PKD2L1: variants seen among roughly 807,000 people sequenced by gnomAD.
PKD2L1 encodes the protein polycystin 2 like 1, transient receptor potential cation channel.
PKD2L1 carries 77 observed loss-of-function variants against 93.0 expected under a neutral mutation model. The ratio of observed to expected loss-of-function variants is 0.83; its 90% CI spans 0.69 to 1.00. The LOEUF (loss-of-function observed/expected upper bound fraction) is 1.00. Among genes scored for constraint, PKD2L1 ranks in the 50% least tolerant of loss-of-function variants. The pLI, the probability that PKD2L1 is intolerant of heterozygous loss-of-function variation, is 0.00. For synonymous variants in PKD2L1, 390 were observed against 388.0 expected, an observed-to-expected ratio of 1.01 and a Z score of -0.06; for missense variants, 977 against 990.9, an observed-to-expected ratio of 0.99 and a Z score of 0.19.
chr10:100,326,584 A>G (rs116175371), intron 2 of PKD2L1, among the ~76,000 whole-genome samples: 1,886 of 152,324 alleles, frequency 0.012, 23 homozygotes, highest in African/African-American at 0.042. Context: ...TGTCCGTGGC[A>G]TATTTTGTCC....
intron 2 of PKD2L1, among the ~76,000 whole-genome samples, chr10:100,303,998 G>T (rs1039504845): frequency 6.6e-6 from 1 of 152,168 alleles, no homozygotes; most frequent in Non-Finnish European, 1.5e-5. Flanking sequence ...ACTATTTATG[G>T]ATGCATAATA....
rs1468140150 is a variant in PKD2L1 at position 100,294,429 on chromosome 10, C to T, written c.1659+106G>A. On this transcript the variant is annotated intron_variant, in intron 9 of 15. Coordinates refer to ENST00000318222, the MANE Select transcript of PKD2L1 (RefSeq NM_016112.3). ...AGACATCGGCCCCCCCACTCACTCT[C>T]CATCCTTGATTTGAGAAACTTATCA... 4 of 1,228,054 alleles carry T rather than the reference C, an allele frequency of 3.3e-6. No individual in the cohort carries two copies. The African/African-American group carries it at 6.0e-5, about 18-fold the overall frequency. 76.1% of individuals were successfully genotyped at this position (1,228,054 alleles called of 1,614,324 possible). A position where few individuals can be genotyped will look rare whatever the true frequency, so the allele number is the denominator to read the frequency against.
intron 2 of PKD2L1, among the ~76,000 whole-genome samples, chr10:100,305,644 T>C (rs1376925646): frequency 6.6e-6 from 1 of 152,176 alleles, no homozygotes; most frequent in Non-Finnish European, 1.5e-5. Flanking sequence ...AACCCCTCCC[T>C]ACACAGCGTG....
chr10:100,297,873 C>T (rs1240758816), intron 4 of PKD2L1, among the ~76,000 whole-genome samples: 1 of 151,928 alleles, frequency 6.6e-6, no homozygotes, highest in Non-Finnish European at 1.5e-5. Flanking sequence ...AAGAGGTTAC[C>T]GAGATAATCC....
At chr10:100,328,275 C>T (rs1322108237) in intron 2 of PKD2L1, among the ~76,000 whole-genome samples, 1 of 152,130 alleles carries the variant, frequency 6.6e-6, no homozygotes, top group Non-Finnish European at 1.5e-5. Flanking sequence ...CACAGTCGCC[C>T]TCCTATCTTT....
intron 2 of PKD2L1, among the ~76,000 whole-genome samples, chr10:100,322,265 G>A (rs7896618): frequency 0.76 from 114,978 of 151,904 alleles, 44,401 homozygotes; most frequent in Non-Finnish European, 0.84. Flanking sequence ...GGTGGCTCAC[G>A]CCTGTAATCC....
intron 2 of PKD2L1, among the ~76,000 whole-genome samples, chr10:100,319,465 T>A (rs1849180724): frequency 7.4e-6 from 1 of 135,578 alleles, no homozygotes; most frequent in African/African-American, 2.5e-5. Context: ...TGACAAAGTA[T>A]CTTCTGACAT....
chr10:100,328,282 C>A (rs1233139981), intron 2 of PKD2L1, among the ~76,000 whole-genome samples: 2 of 152,164 alleles, frequency 1.3e-5, no homozygotes, highest in African/African-American at 4.8e-5. Flanking sequence ...GCCCTCCTAT[C>A]TTTTCACTTG....
At chr10:100,325,146 T>C (rs1849350183) in intron 2 of PKD2L1, among the ~76,000 whole-genome samples, 1 of 152,238 alleles carries the variant, frequency 6.6e-6, no homozygotes, top group African/African-American at 2.4e-5. Context: ...ATTCCGATAC[T>C]GCAGACAGAC....
chr10:100,313,925 G>C (rs1589675904), intron 2 of PKD2L1, among the ~76,000 whole-genome samples: 1 of 152,130 alleles, frequency 6.6e-6, no homozygotes, highest in East Asian at 1.9e-4. Context: ...GCTCTCAAAT[G>C]GTTCCATATA....
rs1410447649 is a variant in PKD2L1 at position 100,297,071 on chromosome 10, T to C, written c.1094A>G (p.Tyr365Cys). The change falls in exon 6 of 16, where the codon TAC becomes TGC. Residue 365 changes from tyrosine (Y) to cysteine (C), a missense_variant. Physicochemically the swap from Tyr to Cys is radical, Grantham distance 194. Coordinates refer to ENST00000318222, the MANE Select transcript of PKD2L1 (RefSeq NM_016112.3). The part of the protein sequence containing the change: ...CEVIFCVFIF[Y>C]YVVEEILELH... ...CTCCAGGATCTCTTCCACCACATAGTAGAAGATGAAGACGCAGAAGATGAC... is the reference window on the plus strand; with the variant it reads ...CTCCAGGATCTCTTCCACCACATAGCAGAAGATGAAGACGCAGAAGATGAC... 1 of 1,614,004 alleles carries C rather than the reference T, an allele frequency of 6.2e-7. No homozygotes were observed. Among genetic ancestry groups the C allele is most frequent in the Non-Finnish European group, 8.5e-7 (1 of 1,179,962 alleles).
Position 100,294,752 on chromosome 10 carries a change from A to C in PKD2L1, c.1539-97T>G, listed in dbSNP as rs150229658. 2,146 of 1,524,574 alleles carry C rather than the reference A, an allele frequency of 1.4e-3. 18 individuals carry two copies. The African/African-American group carries it at 0.022, about 15-fold the overall frequency. The allele number at this position is 1,524,574 out of a possible 1,614,324, so 94.4% of individuals were successfully genotyped here. ...AGACCCCTCACCACACGTTCACCCCAATCTGATAGACACAGGGCAGGGTGC... is the reference window on the plus strand; with the variant it reads ...AGACCCCTCACCACACGTTCACCCCCATCTGATAGACACAGGGCAGGGTGC... On this transcript the variant is annotated intron_variant, in intron 8 of 15. Coordinates refer to ENST00000318222, the MANE Select transcript of PKD2L1 (RefSeq NM_016112.3).
At chr10:100,321,639 C>G (rs1249111430) in intron 2 of PKD2L1, among the ~76,000 whole-genome samples, 1 of 131,424 alleles carries the variant, frequency 7.6e-6, no homozygotes, top group Non-Finnish European at 1.6e-5. Context: ...TGCCACTGCA[C>G]TCCAGCCTGG....
chr10:100,297,436 A>T lies in PKD2L1; in HGVS notation c.902T>A (p.Val301Glu). 6.2e-7 allele frequency: 1 copy of T among 1,614,146 alleles called. No homozygotes were observed. The highest frequency in any genetic ancestry group is 1.1e-5 in the South Asian group (1 of 91,078). ...ATTGTAGACTGAGAAGTCGATGAAC[A>T]CCACTCGAGTGCCCCTGTCCAGCCA... Reference protein sequence around the residue: ...GLWLDRGTRVVFIDFSVYNAN... With the variant: ...GLWLDRGTRVEFIDFSVYNAN... Residue 301 changes from valine to glutamate, a missense_variant, in exon 5 of 16, where the codon GTG becomes GAG. By Grantham distance (121) the Val-to-Glu change is moderately radical. Transcript: ENST00000318222.
intron 2 of PKD2L1, among the ~76,000 whole-genome samples, chr10:100,314,988 AAGGAAGGAAGGAAGGAAGGAAGG>A (rs1329188305): frequency 0.016 from 215 of 13,870 alleles, 14 homozygotes; most frequent in South Asian, 0.024. Flanking sequence ...GGAAGGAAGG[AAGGAAGGAAGGAAGGAAGGAAGG>A]AAGGGAAGGG....
Position 100,306,855 on chromosome 10 carries a change from C to CAAA in PKD2L1, c.350-7140_350-7138dup, listed in dbSNP as rs61413476. Among the ~76,000 whole-genome samples the CAAA allele has an allele frequency of 1.1e-3, 54 of 49,856 alleles. 4 individuals are homozygous for CAAA. Among genetic ancestry groups the CAAA allele is most frequent in the African/African-American group, 4.5e-3 (39 of 8,704 alleles). The allele number at this position is 49,856 out of a possible 152,430, so 32.7% of individuals were successfully genotyped here. A position where few individuals can be genotyped will look rare whatever the true frequency, so the allele number is the denominator to read the frequency against. ...CCTGGGCGAGAGAGTGAGACCCTGT[C>CAAA]AAAAAAAAAAAAAAAAAAGAAAGAG... On this transcript the variant is annotated intron_variant, in intron 2 of 15. Transcript: ENST00000318222.
At chr10:100,312,880 A>G (rs74783729) in intron 2 of PKD2L1, among the ~76,000 whole-genome samples, 41 of 151,716 alleles carry the variant, frequency 2.7e-4, no homozygotes, top group African/African-American at 9.7e-4. Context: ...GGCCCCCTAG[A>G]TAGCATTGCT....
intron 1 of PKD2L1, 79 bp from the exon 2 acceptor site, chr10:100,329,403 C>A: frequency 1.3e-6 from 2 of 1,598,930 alleles, no homozygotes; most frequent in Non-Finnish European, 1.7e-6. Flanking sequence ...TGTCTCTGGA[C>A]TTTAGCCCCT....
intron 13 of PKD2L1, 52 bp from the exon 14 acceptor site, chr10:100,290,190 T>C (rs2134375138): frequency 6.2e-7 from 1 of 1,609,226 alleles, no homozygotes; most frequent in East Asian, 2.2e-5. Flanking sequence ...GTCTGGGGGC[T>C]GGATGTCTAA....
Sources: allele counts gnomAD v4.1 joint callset (sites outside exome capture counted in the v4.1 genomes callset), GRCh38; gene constraint gnomAD v4.1.1; transcripts MANE v1.5; gene names NCBI Gene and HGNC (gene_info 2026-07-23, HGNC 2026-07-21).